The following DLGAP2 variants were observed in gnomAD, a reference collection of about 807,000 sequenced individuals.
DLGAP2 encodes DLG associated protein 2.
Under a neutral mutation model 100.3 loss-of-function variants are expected in DLGAP2, and 26 were observed. The ratio of observed to expected loss-of-function variants is 0.26; its 90% CI spans 0.19 to 0.36. DLGAP2 has a LOEUF of 0.36. Among genes scored for constraint, DLGAP2 ranks in the 10% least tolerant of loss-of-function variants. The pLI, the probability that DLGAP2 is intolerant of heterozygous loss-of-function variation, is 1.00. For synonymous variants in DLGAP2, 886 were observed against 630.1 expected, an observed-to-expected ratio of 1.41 and a Z score of -6.08; for missense variants, 1,858 against 1,453.2, an observed-to-expected ratio of 1.28 and a Z score of -4.53.
At chr8:882,042 CA>C (rs1231136035) in intron 1 of DLGAP2, among the ~76,000 whole-genome samples, 1 of 152,156 alleles carries the variant, frequency 6.6e-6, no homozygotes, top group Non-Finnish European at 1.5e-5. Flanking sequence ...TCATTCTGGG[CA>C]CTGAATTGTG....
intron 2 of DLGAP2, among the ~76,000 whole-genome samples, chr8:948,640 G>T (rs1450580051): frequency 1.3e-5 from 2 of 152,240 alleles, no homozygotes; most frequent in Non-Finnish European, 2.9e-5. Flanking sequence ...CGTTCTCAGA[G>T]CCAGGCCGGG....
chr8:1,580,094 A>G (rs1234454969), intron 6 of DLGAP2, among the ~76,000 whole-genome samples: 2 of 152,238 alleles, frequency 1.3e-5, no homozygotes, highest in Non-Finnish European at 2.9e-5. Context: ...CCAAGATTTC[A>G]TCAAAATTTA....
chr8:1,385,912 C>A (rs1796208788), intron 3 of DLGAP2, among the ~76,000 whole-genome samples: 1 of 152,274 alleles, frequency 6.6e-6, no homozygotes, highest in Non-Finnish European at 1.5e-5. Flanking sequence ...GGACAGTTAC[C>A]CTTCTCCGGG....
intron 8 of DLGAP2, among the ~76,000 whole-genome samples, chr8:1,640,619 C>T (rs1336180351): frequency 2.6e-5 from 4 of 152,078 alleles, no homozygotes; most frequent in African/African-American, 9.7e-5. Flanking sequence ...AAACTAAAGC[C>T]CAGGGTGTGC....
At position 1,549,305 on chromosome 8, in the gene DLGAP2, G is replaced by A. The variant is rs1198357098; in HGVS notation, c.852G>A (p.Lys284=). 3 of 1,612,672 alleles carry A rather than the reference G, an allele frequency of 1.9e-6. No homozygotes were observed. Among genetic ancestry groups the A allele is most frequent in the Non-Finnish European group, 2.5e-6 (3 of 1,179,668 alleles). The change falls in exon 5 of 15, where the codon AAG becomes AAA. Residue 284 remains lysine (K), a synonymous_variant. Coordinates refer to ENST00000637795, the MANE Select transcript of DLGAP2 (RefSeq NM_001346810.2). ...AGAGGAGCAAGAGCAAGGAGCGCAA[G>A]CCGGAGGGCAAGCCCCGGCCCGGCA... The part of the protein sequence containing the change: ...HSKRSKSKER[K]PEGKPRPGMS...
intron 1 of DLGAP2, among the ~76,000 whole-genome samples, chr8:879,267 C>G (rs995574185): frequency 2.0e-5 from 3 of 152,208 alleles, no homozygotes; most frequent in African/African-American, 7.2e-5. Context: ...ATTATTCACT[C>G]TCTGGGCAAT....
chr8:1,487,727 T>G (rs1799266435), intron 3 of DLGAP2, among the ~76,000 whole-genome samples: 1 of 152,214 alleles, frequency 6.6e-6, no homozygotes, highest in Non-Finnish European at 1.5e-5. Flanking sequence ...GTCCCACCTG[T>G]GCACTGCTGC....
intron 3 of DLGAP2, among the ~76,000 whole-genome samples, chr8:1,446,281 A>C (rs1388532740): frequency 4.6e-5 from 7 of 152,080 alleles, no homozygotes; most frequent in Admixed American, 3.3e-4. Flanking sequence ...AGGTGTAAGG[A>C]AGGGATCCAG....
chr8:943,165 A>G (rs1351347666), intron 2 of DLGAP2, among the ~76,000 whole-genome samples: 1 of 152,198 alleles, frequency 6.6e-6, no homozygotes, highest in Non-Finnish European at 1.5e-5. Context: ...GGGCTATTTT[A>G]TACCAGACCA....
At chr8:1,354,061 AG>A (rs1417967979) in intron 3 of DLGAP2, among the ~76,000 whole-genome samples, 1 of 152,190 alleles carries the variant, frequency 6.6e-6, no homozygotes, top group East Asian at 1.9e-4. Flanking sequence ...TGCAGGCTTC[AG>A]GGGGGCAATG....
chr8:1,323,904 G>C (rs951449840), intron 3 of DLGAP2, among the ~76,000 whole-genome samples: 1 of 152,104 alleles, frequency 6.6e-6, no homozygotes, highest in Non-Finnish European at 1.5e-5. Context: ...CTAATTATTT[G>C]TTTATTATTT....
At chr8:1,000,571 C>G (rs1028094916) in intron 2 of DLGAP2, among the ~76,000 whole-genome samples, 1 of 152,096 alleles carries the variant, frequency 6.6e-6, no homozygotes, top group African/African-American at 2.4e-5. Context: ...GCACTGGTGT[C>G]TAGATTTGGT....
intron 2 of DLGAP2, chr8:1,137,738 T>TA (rs552863450): frequency 6.6e-6 from 1 of 152,230 alleles, no homozygotes; most frequent in Non-Finnish European, 1.5e-5. Flanking sequence ...TATTTTTCAT[T>TA]AAAAAAATGT....
chr8:1,471,861 T>A (rs1798805419), intron 3 of DLGAP2, among the ~76,000 whole-genome samples: 1 of 152,208 alleles, frequency 6.6e-6, no homozygotes, highest in South Asian at 2.1e-4. Context: ...AGCTCACAAG[T>A]GCCGTGACAG....
chr8:1,374,925 A>C (rs1411798269), intron 3 of DLGAP2, among the ~76,000 whole-genome samples: 2 of 152,102 alleles, frequency 1.3e-5, no homozygotes, highest in Non-Finnish European at 2.9e-5. Context: ...GCCCAATACG[A>C]CAGCCAGGGC....
At chr8:810,751 T>A (rs1796355353) in intron 1 of DLGAP2, among the ~76,000 whole-genome samples, 1 of 152,254 alleles carries the variant, frequency 6.6e-6, no homozygotes, top group Non-Finnish European at 1.5e-5. Context: ...AATCAGTTCC[T>A]TCATCTTATC....
At chr8:897,109 G>A (rs957146377) in intron 1 of DLGAP2, among the ~76,000 whole-genome samples, 32 of 152,140 alleles carry the variant, frequency 2.1e-4, no homozygotes, top group Non-Finnish European at 1.5e-5. Context: ...CTTGGAGTGG[G>A]GGTTCAGCAG....
chr8:1,368,331 ATG>A lies in DLGAP2; in HGVS notation c.106+109457_106+109458del, dbSNP rs200849317. On this transcript the variant is annotated intron_variant, in intron 3 of 14. Coordinates refer to ENST00000637795, the MANE Select transcript of DLGAP2 (RefSeq NM_001346810.2). ...TGTGCATAGCTGTGTGTGTGCATGC[ATG>A]TGTGTGTGCATGCGTGTGTATATAT... is the stretch of plus-strand genomic sequence containing the variant. Among the ~76,000 whole-genome samples the A allele has an allele frequency of 8.6e-5, 13 of 151,318 alleles. No homozygotes were observed. In the East Asian group the frequency reaches 1.2e-3, roughly 14 times the overall value.
At chr8:1,677,594 C>A (rs151024421) in intron 11 of DLGAP2, among the ~76,000 whole-genome samples, 1 of 152,168 alleles carries the variant, frequency 6.6e-6, no homozygotes, top group Non-Finnish European at 1.5e-5. Flanking sequence ...AGTGTTCTCA[C>A]CCAGCATACT....
Sources: allele counts gnomAD v4.1 joint callset (sites outside exome capture counted in the v4.1 genomes callset), GRCh38; gene constraint gnomAD v4.1.1; transcripts MANE v1.5; gene names NCBI Gene and HGNC (gene_info 2026-07-23, HGNC 2026-07-21).